Variants in SHANK2 observed in about 807,000 individuals in gnomAD.
SHANK2 encodes the protein SH3 and multiple ankyrin repeat domains protein 2.
A neutral mutation model predicts 133.7 loss-of-function variants in SHANK2; 43 were observed. That is an observed-to-expected ratio of 0.32 (90% CI 0.25 to 0.41). SHANK2 has a LOEUF of 0.41. SHANK2 is among the 10% of genes least tolerant of loss of function. The pLI is 1.00. For missense variants in SHANK2, 1,994 were observed against 2,235.8 expected (o/e 0.89, Z 2.18); for synonymous variants, 1,017 against 952.8 (o/e 1.07, Z -1.24).
At chr11:71,196,678 G>A (rs75263076) in intron 2 of SHANK2, among the ~76,000 whole-genome samples, 5,576 of 151,824 alleles carry the variant, frequency 0.037, 255 homozygotes, top group Admixed American at 0.15. Flanking sequence ...GGGTCTCCCT[G>A]CATGCCCTCC....
intron 2 of SHANK2, among the ~76,000 whole-genome samples, chr11:71,203,820 T>C (rs1954069333): frequency 6.6e-6 from 1 of 152,192 alleles, no homozygotes; most frequent in African/African-American, 2.4e-5. Context: ...CAGTCATACC[T>C]GTGTGAAGAA....
intron 2 of SHANK2, among the ~76,000 whole-genome samples, chr11:71,189,486 T>C (rs1284435949): frequency 7.9e-5 from 12 of 152,144 alleles, no homozygotes; most frequent in African/African-American, 2.9e-4. Flanking sequence ...AGCCTCAACC[T>C]CCCAGGTTCA....
chr11:70,741,332 CATCT>C lies in SHANK2; in HGVS notation c.1778-42573_1778-42570del, dbSNP rs1437343189. On this transcript the variant is annotated intron_variant, in intron 14 of 25. Transcript: ENST00000601538. The stretch of plus-strand genomic sequence containing the variant: ...CCATCCATCCATGCATCCAACTACC[CATCT>C]ATCTATCCATCCATCCATCCATCCA... 2.3e-4 allele frequency among the ~76,000 whole-genome samples: 31 copies of C among 137,134 alleles called. 1 individual carries two copies. In the East Asian group the frequency reaches 4.3e-3, roughly 19 times the overall value. 90.0% of individuals were successfully genotyped at this position (137,134 alleles called of 152,430 possible). A position where few individuals can be genotyped will look rare whatever the true frequency, so the allele number is the denominator to read the frequency against.
At chr11:70,670,297 C>T (rs551812384) in intron 15 of SHANK2, among the ~76,000 whole-genome samples, 5 of 152,332 alleles carry the variant, frequency 3.3e-5, no homozygotes, top group East Asian at 3.9e-4. Context: ...CTCCAGGGAA[C>T]GGTGATGGCA....
chr11:71,119,608 C>T (rs1171361279), intron 3 of SHANK2, among the ~76,000 whole-genome samples: 4 of 150,356 alleles, frequency 2.7e-5, no homozygotes, highest in African/African-American at 7.5e-5. Context: ...CTCTAGCCCT[C>T]ATAGTGTCTT....
At chr11:70,921,864 T>G (rs2135763068) in intron 10 of SHANK2, among the ~76,000 whole-genome samples, 1 of 152,308 alleles carries the variant, frequency 6.6e-6, no homozygotes, top group Admixed American at 6.5e-5. Flanking sequence ...TAAATATATA[T>G]GCAATGCCTG....
At position 70,782,095 on chromosome 11, in the gene SHANK2, C is replaced by T. The variant is rs191262523; in HGVS notation, c.1777+16348G>A. ...CTTATTTATTTATTTAGAGACAGTC[C>T]GCTCTGTTGCCCAGGCTGGAGTGCA... On this transcript the variant is annotated intron_variant, in intron 14 of 25. Coordinates refer to ENST00000601538, the MANE Select transcript of SHANK2 (RefSeq NM_012309.5). 1.9e-4 allele frequency among the ~76,000 whole-genome samples: 29 copies of T among 152,272 alleles called. No individual in the cohort carries two copies. In the East Asian group the frequency reaches 3.1e-3, roughly 16 times the overall value.
At chr11:70,726,575 T>C (rs922364656) in intron 14 of SHANK2, among the ~76,000 whole-genome samples, 1 of 152,180 alleles carries the variant, frequency 6.6e-6, no homozygotes, top group Non-Finnish European at 1.5e-5. Flanking sequence ...TGTCTCTGTC[T>C]GTGGAGATCA....
At chr11:70,857,245 C>A (rs1949185608) in intron 11 of SHANK2, among the ~76,000 whole-genome samples, 1 of 152,192 alleles carries the variant, frequency 6.6e-6, no homozygotes, top group South Asian at 2.1e-4. Flanking sequence ...AGCTCCCAAC[C>A]TACAAAATGG....
chr11:70,873,203 C>T (rs1295403841), intron 11 of SHANK2: 1 of 448,088 alleles, frequency 2.2e-6, no homozygotes, highest in African/African-American at 2.0e-5. Context: ...TATTCTCAGA[C>T]ACTAAACAAT....
chr11:71,167,917 G>A (rs191630697), intron 2 of SHANK2, among the ~76,000 whole-genome samples: 3,331 of 147,210 alleles, frequency 0.023, 209 homozygotes, highest in African/African-American at 0.081. Context: ...CTGTCCGGGC[G>A]GGGGGCTGAC....
At chr11:71,206,090 T>C (rs1028761616) in intron 2 of SHANK2, among the ~76,000 whole-genome samples, 2 of 152,202 alleles carry the variant, frequency 1.3e-5, no homozygotes, top group South Asian at 2.1e-4. Context: ...GGCTACTCCA[T>C]GAACACAAGG....
chr11:71,148,688 G>T (rs1238587242), intron 2 of SHANK2, among the ~76,000 whole-genome samples: 1 of 152,224 alleles, frequency 6.6e-6, no homozygotes, highest in African/African-American at 2.4e-5. Context: ...GGGACCCCTT[G>T]ATCAAGCTGT....
chr11:70,812,078 C>T (rs1948292995), intron 12 of SHANK2, among the ~76,000 whole-genome samples: 1 of 152,262 alleles, frequency 6.6e-6, no homozygotes, highest in African/African-American at 2.4e-5. Flanking sequence ...CACTGCCCTG[C>T]TGCAGCTGCA....
intron 11 of SHANK2, among the ~76,000 whole-genome samples, chr11:70,871,881 T>C (rs1555070264): frequency 6.6e-6 from 1 of 152,150 alleles, no homozygotes; most frequent in East Asian, 1.9e-4. Context: ...ACGCATCCCA[T>C]CCTCCATAAC....
chr11:70,626,149 G>A (rs542572007), intron 17 of SHANK2, among the ~76,000 whole-genome samples: 4 of 152,258 alleles, frequency 2.6e-5, no homozygotes, highest in African/African-American at 9.6e-5. Context: ...AGCTGGCAAC[G>A]GAAAACACCC....
At chr11:70,769,820 C>T (rs1258266992) in intron 14 of SHANK2, among the ~76,000 whole-genome samples, 13 of 49,790 alleles carry the variant, frequency 2.6e-4, no homozygotes, top group African/African-American at 7.5e-4. Flanking sequence ...CACATTTGCA[C>T]GTGTGTAGGT....
intron 17 of SHANK2, among the ~76,000 whole-genome samples, chr11:70,525,977 C>T (rs1039227913): frequency 6.6e-6 from 1 of 151,822 alleles, no homozygotes; most frequent in Admixed American, 6.6e-5. Context: ...GGAGGACAGG[C>T]CCTGGCATAC....
Position 70,485,565 on chromosome 11 carries a change from A to T in SHANK2, c.4728T>A (p.Val1576=). ...GGGGCGGGGGAGCGGGCGGGGGGATAACAAAGCTATCTACATCTTCTTCCA... is the reference window on the plus strand; with the variant it reads ...GGGGCGGGGGAGCGGGCGGGGGGATTACAAAGCTATCTACATCTTCTTCCA... The part of the protein sequence containing the change: ...ALVEEDVDSF[V]IPPPAPPPPP... The change falls in exon 25 of 26, where the codon GTT becomes GTA. Residue 1576 remains valine (V), a synonymous_variant. Coordinates refer to ENST00000601538, the MANE Select transcript of SHANK2 (RefSeq NM_012309.5). This position sits in a 1 kb window ranked among gnomAD's most constrained non-coding sequence, Gnocchi z 5.8. The T allele has an allele frequency of 5.6e-6, 9 of 1,613,442 alleles. No homozygotes were observed. The highest frequency in any genetic ancestry group is 7.6e-6 in the Non-Finnish European group (9 of 1,180,024).
Sources: gnomAD v4.1 joint callset for allele counts (sites outside exome capture counted in the v4.1 genomes callset) on GRCh38, gnomAD v4.1.1 for gene constraint, Gnocchi (gnomAD v3.1) non-coding constraint, MANE v1.5 for transcripts, NCBI Gene and HGNC (gene_info 2026-07-23, HGNC 2026-07-21) for gene names.